Variants in UCHL1 observed in about 807,000 individuals in gnomAD.
UCHL1 encodes ubiquitin C-terminal hydrolase L1.
Under a neutral mutation model 33.3 loss-of-function variants are expected in UCHL1, and 5 were observed. That is an observed-to-expected ratio of 0.15 (90% CI 0.08 to 0.32). UCHL1 has a LOEUF of 0.32. Among genes scored for constraint, UCHL1 ranks in the 10% least tolerant of loss-of-function variants. The pLI is 1.00. For synonymous variants in UCHL1, 132 were observed against 108.8 expected (o/e 1.21, Z -1.33); for missense variants, 236 against 280.0 (o/e 0.84, Z 1.12).
At position 41,256,962 on chromosome 4, in the gene UCHL1, G is replaced by A. The variant is rs767689458; in HGVS notation, c.-15G>A. ...TCGTCTTCCCTAGGCTATTTCTGCC[G>A]GGCGCTCCGCGAAGATGCAGCTCAA... On this transcript the variant is annotated 5_prime_UTR_variant, in exon 1 of 9. Transcript: ENST00000284440. 1.2e-6 allele frequency: 2 copies of A among 1,614,034 alleles called. No homozygotes were observed. Among genetic ancestry groups the A allele is most frequent in the Admixed American group, 1.7e-5 (1 of 60,014 alleles).
Position 41,262,065 on chromosome 4 carries a change from TG to T in UCHL1, c.459+143del, listed in dbSNP as rs1221868768. 10 of 1,202,074 alleles carry T rather than the reference TG, an allele frequency of 8.3e-6. No homozygotes were observed. In the East Asian group the frequency reaches 2.6e-4, roughly 31 times the overall value. 74.5% of individuals were successfully genotyped at this position (1,202,074 alleles called of 1,614,324 possible). A position where few individuals can be genotyped will look rare whatever the true frequency, so the allele number is the denominator to read the frequency against. ...ACACCAGAAAGTTCTACCCAAATAA[TG>T]CTTTGACTAGACCTGTTCATAAAAA... On this transcript the variant is annotated intron_variant, in intron 6 of 8. Transcript: ENST00000284440.
Position 41,257,022 on chromosome 4 carries a change from T to G in UCHL1, c.33+13T>G, listed in dbSNP as rs1422020797. ...GATCAACCCCGAGGTGAGCGCCAGG[T>G]GCACCGCTACCCGGAGAGCGCGAGG... On this transcript the variant is annotated intron_variant, in intron 1 of 8. Coordinates refer to ENST00000284440, the MANE Select transcript of UCHL1 (RefSeq NM_004181.5). 1 of 1,614,070 alleles carries G rather than the reference T, an allele frequency of 6.2e-7. No individual in the cohort carries two copies.
chr4:41,257,406 C>A, intron 2 of UCHL1: 1 of 887,136 alleles, frequency 1.1e-6, no homozygotes, highest in Non-Finnish European at 1.6e-6. Flanking sequence ...CTCGGCTGCA[C>A]GGGCTTCGCG....
chr4:41,257,399 G>A, intron 2 of UCHL1: 1 of 878,568 alleles, frequency 1.1e-6, no homozygotes, highest in East Asian at 3.1e-5. Flanking sequence ...GCACAGACTC[G>A]GCTGCACGGG....
Position 41,257,749 on chromosome 4 carries a change from G to A in UCHL1, c.174+12G>A, listed in dbSNP as rs1395222213. 6.4e-7 allele frequency: 1 copy of A among 1,567,166 alleles called. No homozygotes were observed. On this transcript the variant is annotated intron_variant, in intron 3 of 8. Transcript: ENST00000284440. The stretch of plus-strand genomic sequence containing the variant: ...CCCTCACGGCCCAGGTAGGGCGTGG[G>A]GCCCAGGATGCGCCGGCCGCCGGCA...
At chr4:41,260,566 T>G in intron 3 of UCHL1, 81 bp from the exon 4 acceptor site, 1 of 1,528,968 alleles carries the variant, frequency 6.5e-7, no homozygotes, top group Non-Finnish European at 8.9e-7. Context: ...GGTGTTTCCA[T>G]TTAGTTGGTA....
At chr4:41,260,872 G>A (rs1781058894) in intron 4 of UCHL1, 75 bp downstream of exon 4, 8 of 1,602,952 alleles carry the variant, frequency 5.0e-6, no homozygotes, top group East Asian at 4.5e-5. Context: ...CTGTTTTCCC[G>A]AGGTCAGAGA....
chr4:41,262,912 C>A (rs1781095696), intron 6 of UCHL1, among the ~76,000 whole-genome samples: 4 of 152,136 alleles, frequency 2.6e-5, no homozygotes, highest in Admixed American at 2.6e-4. Context: ...CTAGCCAGAT[C>A]TCAGTGTCTT....
At chr4:41,265,541 T>C (rs917758547) in intron 8 of UCHL1, among the ~76,000 whole-genome samples, 8 of 152,142 alleles carry the variant, frequency 5.3e-5, no homozygotes, top group African/African-American at 1.9e-4. Flanking sequence ...ATTGCACCAC[T>C]GTACTCCAGT....
chr4:41,259,823 C>T (rs1781041615), intron 3 of UCHL1, among the ~76,000 whole-genome samples: 1 of 152,148 alleles, frequency 6.6e-6, no homozygotes, highest in Non-Finnish European at 1.5e-5. Context: ...AGCCACTGAC[C>T]CTGGCTCAAG....
chr4:41,264,504 G>C, intron 8 of UCHL1: 1 of 386,194 alleles, frequency 2.6e-6, no homozygotes, highest in Non-Finnish European at 4.9e-6. Context: ...CAAAACAGCA[G>C]CCTTTCATAA....
chr4:41,257,647 C>T lies in UCHL1; in HGVS notation c.84C>T (p.Phe28=). Residue 28 remains phenylalanine, a synonymous_variant, in exon 3 of 9, where the codon TTC becomes TTT. Coordinates refer to ENST00000284440, the MANE Select transcript of UCHL1 (RefSeq NM_004181.5). ...TGGGGGTCGCCGGCCAGTGGCGCTTCGTGGACGTGCTGGGGCTGGAAGAGG... is the reference window on the plus strand; with the variant it reads ...TGGGGGTCGCCGGCCAGTGGCGCTTTGTGGACGTGCTGGGGCTGGAAGAGG... ...SRLGVAGQWR[F]VDVLGLEEES... 3.2e-6 allele frequency: 5 copies of T among 1,565,476 alleles called. No individual in the cohort carries two copies. Among genetic ancestry groups the T allele is most frequent in the Non-Finnish European group, 3.4e-6 (4 of 1,160,058 alleles).
chr4:41,262,372 A>G (rs1163949125), intron 6 of UCHL1, among the ~76,000 whole-genome samples: 4 of 152,082 alleles, frequency 2.6e-5, no homozygotes, highest in Non-Finnish European at 5.9e-5. Flanking sequence ...CTTGAGCCCT[A>G]GAGGCAGAGG....
intron 3 of UCHL1, among the ~76,000 whole-genome samples, chr4:41,259,160 G>A (rs1368729331): frequency 1.3e-5 from 2 of 152,174 alleles, no homozygotes; most frequent in African/African-American, 2.4e-5. Flanking sequence ...TTTATCGAGC[G>A]CCTATTCTGC....
At chr4:41,263,822 T>C (rs1359218053) in intron 7 of UCHL1, among the ~76,000 whole-genome samples, 1 of 152,226 alleles carries the variant, frequency 6.6e-6, no homozygotes, top group Non-Finnish European at 1.5e-5. Flanking sequence ...TGCATCTGAC[T>C]TTTGTTCTGT....
rs938314585 is a variant in UCHL1 at position 41,267,615 on chromosome 4, C to T, written c.586-372C>T. 2.6e-5 allele frequency among the ~76,000 whole-genome samples: 4 copies of T among 152,298 alleles called. 1 individual carries two copies. In the South Asian group the frequency reaches 8.3e-4, roughly 32 times the overall value. On this transcript the variant is annotated intron_variant, in intron 8 of 8. Coordinates refer to ENST00000284440, the MANE Select transcript of UCHL1 (RefSeq NM_004181.5). ...CTTTATTCCAGGAATTTCTGAGTTA[C>T]AACTTTTCACTTATGCCACCTTATG...
At position 41,263,279 on chromosome 4, in the gene UCHL1, C is replaced by T. The variant is rs1350464350; in HGVS notation, c.514C>T (p.Leu172Phe). ...FILFNNVDGHLYELDGRMPFP... is the reference protein window; with the variant it reads ...FILFNNVDGHFYELDGRMPFP... ...TCTGTTTAACAACGTGGATGGCCAC[C>T]TCTATGAACTTGGTATGTTTTACTC... The change falls in exon 7 of 9, where the codon CTC becomes TTC. Residue 172 changes from leucine to phenylalanine, a missense_variant. Coordinates refer to ENST00000284440, the MANE Select transcript of UCHL1 (RefSeq NM_004181.5). 6.2e-7 allele frequency: 1 copy of T among 1,614,020 alleles called. No individual in the cohort carries two copies. The highest frequency in any genetic ancestry group is 1.1e-5 in the South Asian group (1 of 91,086).
intron 6 of UCHL1, among the ~76,000 whole-genome samples, chr4:41,262,941 CCA>C: frequency 6.6e-6 from 1 of 152,002 alleles, no homozygotes; most frequent in East Asian, 1.9e-4. Flanking sequence ...CAACTGGCTG[CCA>C]CTTTCTAGCA....
At chr4:41,265,752 T>G (rs183976784) in intron 8 of UCHL1, among the ~76,000 whole-genome samples, 15 of 152,308 alleles carry the variant, frequency 9.8e-5, no homozygotes, top group South Asian at 4.1e-4. Context: ...GGTTGATTTC[T>G]CTCATCTGTC....
Sources: gnomAD v4.1 joint callset for allele counts (sites outside exome capture counted in the v4.1 genomes callset) on GRCh38, gnomAD v4.1.1 for gene constraint, MANE v1.5 for transcripts, NCBI Gene and HGNC (gene_info 2026-07-23, HGNC 2026-07-21) for gene names.